VPS13C: variants seen among roughly 807,000 people sequenced by gnomAD.
VPS13C encodes vacuolar protein sorting 13 homolog C, also known as intermembrane lipid transfer protein VPS13C.
A neutral mutation model predicts 456.8 loss-of-function variants in VPS13C; 358 were observed. That is an observed-to-expected ratio of 0.78 (90% CI 0.72 to 0.86). The LOEUF (loss-of-function observed/expected upper bound fraction) is 0.86. Among genes scored for constraint, VPS13C ranks in the 40% least tolerant of loss-of-function variants. The pLI is 0.00. For synonymous variants in VPS13C, 1,578 were observed against 1,486.7 expected, an observed-to-expected ratio of 1.06 and a Z score of -1.41; for missense variants, 4,818 against 4,385.4, an observed-to-expected ratio of 1.10 and a Z score of -2.79.
chr15:62,057,836 A>G (rs906972705), intron 1 of VPS13C, among the ~76,000 whole-genome samples: 1 of 152,228 alleles, frequency 6.6e-6, no homozygotes. Flanking sequence ...ATACTCCTCA[A>G]TGTCATGGTA....
In VPS13C at chr15:61,854,027, G is replaced by C. The variant is rs552478362; in HGVS notation, c.*430C>G. ...ACTGCATTCCAGCCTGGGCGACAGAGCAAGACTCGGTCTCAAAAAAAAAAA... is the reference window on the plus strand; with the variant it reads ...ACTGCATTCCAGCCTGGGCGACAGACCAAGACTCGGTCTCAAAAAAAAAAA... On this transcript the variant is annotated 3_prime_UTR_variant, in exon 85 of 85. Transcript: ENST00000644861. 5 of 156,568 alleles carry C rather than the reference G, an allele frequency of 3.2e-5. No homozygotes were observed. In the East Asian group the frequency reaches 6.6e-4, roughly 21 times the overall value. 9.7% of individuals were successfully genotyped at this position (156,568 alleles called of 1,614,324 possible).
chr15:62,019,079 G>T (rs146781456), intron 9 of VPS13C, among the ~76,000 whole-genome samples: 12,003 of 152,156 alleles, frequency 0.079, 997 homozygotes, highest in African/African-American at 0.21. Flanking sequence ...TTGCGTAGAG[G>T]TGTTTATAGT....
chr15:62,037,820 T>C (rs905503538), intron 3 of VPS13C, among the ~76,000 whole-genome samples: 1 of 151,992 alleles, frequency 6.6e-6, no homozygotes, highest in Non-Finnish European at 1.5e-5. Flanking sequence ...CAGCCCTATC[T>C]AAAAAACAAA....
At chr15:62,026,754 A>G (rs560344387) in intron 6 of VPS13C, among the ~76,000 whole-genome samples, 1 of 152,226 alleles carries the variant, frequency 6.6e-6, no homozygotes, top group South Asian at 2.1e-4. Flanking sequence ...CAAAATATTA[A>G]AGAGACATGC....
intron 6 of VPS13C, among the ~76,000 whole-genome samples, chr15:62,026,544 G>A (rs146319687): frequency 3.3e-5 from 5 of 151,892 alleles, no homozygotes; most frequent in African/African-American, 9.7e-5. Context: ...TTTCCTTGAA[G>A]TGGTTTTGTT....
At chr15:62,027,264 A>G (rs1002946905) in intron 6 of VPS13C, among the ~76,000 whole-genome samples, 1 of 151,998 alleles carries the variant, frequency 6.6e-6, no homozygotes, top group Non-Finnish European at 1.5e-5. Context: ...AACTGAATCA[A>G]TGATGTTTTC....
rs190769225 is a variant in VPS13C at position 61,867,870 on chromosome 15, C to T, written c.10863+789G>A. The T allele has an allele frequency of 1.9e-6, 3 of 1,593,628 alleles. No individual in the cohort carries two copies. The highest frequency in any genetic ancestry group is 1.3e-5 in the African/African-American group (1 of 74,302). ...GGAATTCACACACAGTCAATTAACA[C>T]CACAGTTTGTTTTGATTTTTAAGGA... is the stretch of plus-strand genomic sequence containing the variant. On this transcript the variant is annotated intron_variant, in intron 81 of 84. Transcript: ENST00000644861. The surrounding 1 kb of genome is among the most constrained non-coding windows in gnomAD (Gnocchi z 5.0).
Position 61,867,884 on chromosome 15 carries a change from G to T in VPS13C, c.10863+775C>A. The T allele has an allele frequency of 6.2e-7, 1 of 1,601,660 alleles. No homozygotes were observed. The highest frequency in any genetic ancestry group is 1.1e-5 in the South Asian group (1 of 88,426). ...GTCAATTAACACCACAGTTTGTTTTGATTTTTAAGGATGAAATCAAGTAGT... is the reference window on the plus strand; with the variant it reads ...GTCAATTAACACCACAGTTTGTTTTTATTTTTAAGGATGAAATCAAGTAGT... On this transcript the variant is annotated intron_variant, in intron 81 of 84. Transcript: ENST00000644861. The surrounding 1 kb of genome is among the most constrained non-coding windows in gnomAD (Gnocchi z 5.0).
chr15:62,022,505 G>A (rs1281241694), intron 8 of VPS13C, among the ~76,000 whole-genome samples: 1 of 151,828 alleles, frequency 6.6e-6, no homozygotes, highest in African/African-American at 2.4e-5. Context: ...GCATTTATGA[G>A]TGAGGTTTTT....
At chr15:61,887,789 C>T (rs1050206586) in intron 67 of VPS13C, among the ~76,000 whole-genome samples, 3 of 152,040 alleles carry the variant, frequency 2.0e-5, no homozygotes, top group Non-Finnish European at 2.9e-5. Flanking sequence ...AGCTAACTTT[C>T]GGTATAGTGG....
rs115650790 is a variant in VPS13C at position 61,884,110 on chromosome 15, A to G, written c.9483+18T>C. 3.5e-4 allele frequency: 556 copies of G among 1,567,774 alleles called. 3 individuals carry two copies. In the African/African-American group the frequency reaches 7.1e-3, roughly 20 times the overall value. ...AAAATACACATATAAAAATCAAAAC[A>G]AAAGAATTTTGGTATACCTCAAAAT... On this transcript the variant is annotated intron_variant, in intron 68 of 84. Coordinates refer to ENST00000644861, the MANE Select transcript of VPS13C (RefSeq NM_020821.3).
intron 16 of VPS13C, among the ~76,000 whole-genome samples, chr15:61,994,058 C>T (rs1000359329): frequency 2.0e-5 from 3 of 152,080 alleles, no homozygotes; most frequent in Non-Finnish European, 4.4e-5. Flanking sequence ...CTCAATTACC[C>T]CCTTGGTGCC....
At chr15:61,900,134 T>C (rs576532558) in intron 66 of VPS13C, among the ~76,000 whole-genome samples, 1 of 152,126 alleles carries the variant, frequency 6.6e-6, no homozygotes. Flanking sequence ...AAGCTATCTA[T>C]GACAAACCCA....
At chr15:61,997,048 G>A (rs911790371) in intron 16 of VPS13C, among the ~76,000 whole-genome samples, 6 of 150,306 alleles carry the variant, frequency 4.0e-5, no homozygotes, top group Non-Finnish European at 8.8e-5. Context: ...AAATAATCAA[G>A]AGTGCAAAAG....
intron 11 of VPS13C, 85 bp from the exon 12 acceptor site, chr15:62,012,249 CACACACACAA>C (rs1446906851): frequency 1.4e-6 from 1 of 705,972 alleles, no homozygotes. Context: ...CACACACACA[CACACACACAA>C]AGCTTGGTTC....
intron 1 of VPS13C, among the ~76,000 whole-genome samples, chr15:62,048,054 G>A (rs1390981647): frequency 7.0e-6 from 1 of 142,080 alleles, no homozygotes; most frequent in African/African-American, 2.7e-5. Flanking sequence ...GTAAATATTT[G>A]TTTTTGGTTT....
chr15:61,988,310 C>CA (rs1179778450), intron 18 of VPS13C, among the ~76,000 whole-genome samples: 3 of 152,150 alleles, frequency 2.0e-5, no homozygotes, highest in Non-Finnish European at 4.4e-5. Context: ...CCAAATTCAT[C>CA]AAATAAAATT....
At chr15:61,926,628 G>A (rs2043858471) in intron 52 of VPS13C, among the ~76,000 whole-genome samples, 1 of 152,104 alleles carries the variant, frequency 6.6e-6, no homozygotes, top group African/African-American at 2.4e-5. Context: ...AATTGGTGTG[G>A]TAATTAACTG....
At chr15:62,003,060 G>A (rs893643113) in intron 15 of VPS13C, among the ~76,000 whole-genome samples, 1 of 152,122 alleles carries the variant, frequency 6.6e-6, no homozygotes, top group Non-Finnish European at 1.5e-5. Context: ...TGTGAAGAAA[G>A]GCATTGGTAG....
Sources: allele counts gnomAD v4.1 joint callset (sites outside exome capture counted in the v4.1 genomes callset), GRCh38; gene constraint gnomAD v4.1.1; non-coding constraint Gnocchi (gnomAD v3.1); transcripts MANE v1.5; gene names NCBI Gene and HGNC (gene_info 2026-07-23, HGNC 2026-07-21).